Variants in CRYBA1 observed in about 807,000 individuals in gnomAD.
CRYBA1 encodes crystallin beta A1, also known as beta-crystallin A3.
In CRYBA1, 25 loss-of-function variants were observed where a neutral mutation model predicts 36.2. That is an observed-to-expected ratio of 0.69 (90% CI 0.50 to 0.97). The LOEUF (loss-of-function observed/expected upper bound fraction) is 0.97. Among genes scored for constraint, CRYBA1 ranks in the 50% least tolerant of loss-of-function variants. The pLI, the probability that CRYBA1 is intolerant of heterozygous loss-of-function variation, is 0.00. For missense variants in CRYBA1, 224 were observed against 276.3 expected, an observed-to-expected ratio of 0.81 and a Z score of 1.34; for synonymous variants, 111 against 90.0, an observed-to-expected ratio of 1.23 and a Z score of -1.32.
At chr17:29,253,829 G>A in intron 5 of CRYBA1, 47 bp downstream of exon 5, 1 of 1,603,348 alleles carries the variant, frequency 6.2e-7, no homozygotes, top group Non-Finnish European at 8.5e-7. Context: ...TAACTCCTGA[G>A]GTTGCATCAA....
At chr17:29,250,372 G>GA in intron 3 of CRYBA1, 72 bp downstream of exon 3, 1 of 875,916 alleles carries the variant, frequency 1.1e-6, no homozygotes, top group Non-Finnish European at 2.0e-6. Flanking sequence ...ATAGAGTGGG[G>GA]ATAGGGGAAG....
At chr17:29,253,855 C>T (rs2068951560) in intron 5 of CRYBA1, 73 bp downstream of exon 5, 1 of 1,544,398 alleles carries the variant, frequency 6.5e-7, no homozygotes, top group Middle Eastern at 1.7e-4. Context: ...ATGTTTTAAT[C>T]AGATTTCATA....
At chr17:29,250,881 T>C (rs1454684484) in intron 3 of CRYBA1, among the ~76,000 whole-genome samples, 3 of 152,354 alleles carry the variant, frequency 2.0e-5, no homozygotes, top group African/African-American at 7.2e-5. Context: ...GGCAGAGTAG[T>C]TGAGGCCTTT....
intron 1 of CRYBA1, among the ~76,000 whole-genome samples, chr17:29,248,087 GC>G (rs775453443): frequency 4.6e-5 from 7 of 151,452 alleles, no homozygotes; most frequent in Non-Finnish European, 8.8e-5. Flanking sequence ...TTGCACTCCA[GC>G]CTGGGCAACA....
intron 5 of CRYBA1, 92 bp downstream of exon 5, chr17:29,253,874 T>C: frequency 2.1e-6 from 3 of 1,436,476 alleles, no homozygotes; most frequent in Non-Finnish European, 2.9e-6. Context: ...TACGTATCGG[T>C]ATAGATGTCA....
Position 29,253,783 on chromosome 17 carries a change from G to C in CRYBA1, c.500+1G>C, listed in dbSNP as rs775038545. 5 of 1,614,170 alleles carry C rather than the reference G, an allele frequency of 3.1e-6. No homozygotes were observed. The highest frequency in any genetic ancestry group is 3.4e-6 in the Non-Finnish European group (4 of 1,180,018). Reference sequence around the variant, plus strand: ...GCTCCATGAAGATACAAAGTGGGGCGTAAGTACAAAAACAGGGTTGGAATA... The same window carrying C: ...GCTCCATGAAGATACAAAGTGGGGCCTAAGTACAAAAACAGGGTTGGAATA... On this transcript the variant is annotated splice_donor_variant, in intron 5 of 5. Transcript: ENST00000225387. LOFTEE classifies it high-confidence loss of function.
chr17:29,252,022 AGG>A lies in CRYBA1; in HGVS notation c.216-41_216-40del, dbSNP rs756781637. 25 of 1,614,034 alleles carry A rather than the reference AGG, an allele frequency of 1.5e-5. 1 individual carries two copies. The highest frequency in any genetic ancestry group is 3.3e-4 in the Middle Eastern group (2 of 6,060). Reference sequence around the variant, plus strand: ...AGATGCCTTCTCCCCAAGGCCATATAGGCTTTGAACACCATGAACAAACACTA... The same window carrying A: ...AGATGCCTTCTCCCCAAGGCCATATACTTTGAACACCATGAACAAACACTA... On this transcript the variant is annotated intron_variant, in intron 3 of 5. Coordinates refer to ENST00000225387, the MANE Select transcript of CRYBA1 (RefSeq NM_005208.5).
chr17:29,247,683 G>A lies in CRYBA1; in HGVS notation c.31+789G>A, dbSNP rs574087886. Among the ~76,000 whole-genome samples, 8 of 152,320 alleles carry A rather than the reference G, an allele frequency of 5.3e-5. No homozygotes were observed. In the East Asian group the frequency reaches 1.5e-3, roughly 29 times the overall value. ...GCCTTGCCATTGAGGTGCTCACCAG[G>A]ACATCCAACCAGAACACAGATTGGT... On this transcript the variant is annotated intron_variant, in intron 1 of 5. Transcript: ENST00000225387.
At position 29,254,291 on chromosome 17, in the gene CRYBA1, A is replaced by G; in HGVS notation, c.590A>G (p.Glu197Gly). The change falls in exon 6 of 6, where the codon GAG becomes GGG. Residue 197 changes from glutamate to glycine, a missense_variant. Physicochemically the swap from Glu to Gly is moderately conservative, Grantham distance 98. Coordinates refer to ENST00000225387, the MANE Select transcript of CRYBA1 (RefSeq NM_005208.5). ...GGAGGAGACTATAAACATTGGAGAGAGTGGGGCTCTCATGCCCAGACTTCG... is the reference window on the plus strand; with the variant it reads ...GGAGGAGACTATAAACATTGGAGAGGGTGGGGCTCTCATGCCCAGACTTCG... ...HHGGDYKHWREWGSHAQTSQI... is the reference protein window; with the variant it reads ...HHGGDYKHWRGWGSHAQTSQI... The G allele has an allele frequency of 6.2e-7, 1 of 1,614,084 alleles. No homozygotes were observed. Among genetic ancestry groups the G allele is most frequent in the Non-Finnish European group, 8.5e-7 (1 of 1,179,984 alleles).
In CRYBA1 at chr17:29,252,212, C is replaced by G; in HGVS notation, c.357+7C>G. ...CCGCCCCATCTGTTCAGCTGTGAGT[C>G]TCTGAAATTTCCACTTCCGTGCATA... On this transcript the variant is annotated splice_region_variant and intron_variant, in intron 4 of 5. Coordinates refer to ENST00000225387, the MANE Select transcript of CRYBA1 (RefSeq NM_005208.5). 4 of 1,614,030 alleles carry G rather than the reference C, an allele frequency of 2.5e-6. No individual in the cohort carries two copies. Among genetic ancestry groups the G allele is most frequent in the Non-Finnish European group, 3.4e-6 (4 of 1,180,004 alleles).
At chr17:29,250,160 G>C in intron 2 of CRYBA1, 22 bp from the exon 3 acceptor site, 8 of 1,303,422 alleles carry the variant, frequency 6.1e-6, no homozygotes, top group Non-Finnish European at 8.9e-6. Context: ...TAGCTCTCTT[G>C]CGCCATTCAA....
chr17:29,253,988 G>A (rs569175493), intron 5 of CRYBA1, among the ~76,000 whole-genome samples: 5 of 152,232 alleles, frequency 3.3e-5, no homozygotes, highest in Non-Finnish European at 5.9e-5. Context: ...AAGAATTTAC[G>A]TTGACTACTT....
intron 3 of CRYBA1, among the ~76,000 whole-genome samples, chr17:29,251,744 G>A (rs375912224): frequency 1.3e-4 from 20 of 152,228 alleles, no homozygotes; most frequent in South Asian, 4.2e-4. Flanking sequence ...CTCCTGAAGC[G>A]TTGGAACTAC....
At chr17:29,250,959 G>A (rs1036028266) in intron 3 of CRYBA1, among the ~76,000 whole-genome samples, 3 of 152,152 alleles carry the variant, frequency 2.0e-5, no homozygotes, top group Non-Finnish European at 4.4e-5. Context: ...CTTGCATGTG[G>A]ATAGGCTTCC....
At position 29,250,309 on chromosome 17, in the gene CRYBA1, G is replaced by C; in HGVS notation, c.215+9G>C. Reference sequence around the variant, plus strand: ...AAGGTGGAAAGTGGCGCGTGAGTATGGACTTCCGCAGAACCGCAGCCCCTT... The same window carrying C: ...AAGGTGGAAAGTGGCGCGTGAGTATCGACTTCCGCAGAACCGCAGCCCCTT... On this transcript the variant is annotated intron_variant, in intron 3 of 5. Coordinates refer to ENST00000225387, the MANE Select transcript of CRYBA1 (RefSeq NM_005208.5). 1 of 1,502,880 alleles carries C rather than the reference G, an allele frequency of 6.7e-7. No homozygotes were observed. Among genetic ancestry groups the C allele is most frequent in the Non-Finnish European group, 9.3e-7 (1 of 1,078,044 alleles). 93.1% of individuals were successfully genotyped at this position (1,502,880 alleles called of 1,614,324 possible).
At chr17:29,253,608 C>T (rs756150740) in intron 4 of CRYBA1, 32 bp from the exon 5 acceptor site, 3 of 1,586,704 alleles carry the variant, frequency 1.9e-6, no homozygotes, top group Non-Finnish European at 2.6e-6. Flanking sequence ...AGCACTAGTA[C>T]TAAACATTTT....
chr17:29,252,975 C>A (rs1360825193), intron 4 of CRYBA1, among the ~76,000 whole-genome samples: 1 of 152,194 alleles, frequency 6.6e-6, no homozygotes, highest in Non-Finnish European at 1.5e-5. Context: ...AAAAACATTT[C>A]ATTTGCCCAC....
Position 29,249,215 on chromosome 17 carries a change from A to AC in CRYBA1, c.96+14dup. ...CCCTGGGGCCATGGAAGGTAAGCCC[A>AC]CCCCCATCACATCCAACAGGGCAGG... On this transcript the variant is annotated intron_variant, in intron 2 of 5. Transcript: ENST00000225387. The AC allele has an allele frequency of 6.3e-7, 1 of 1,588,044 alleles. No individual in the cohort carries two copies.
chr17:29,250,485 G>A (rs552855872), intron 3 of CRYBA1, among the ~76,000 whole-genome samples, 185 bp downstream of exon 3: 14 of 152,258 alleles, frequency 9.2e-5, no homozygotes, highest in African/African-American at 3.4e-4. Flanking sequence ...AGGAACATGA[G>A]GTTCTTAGTG....
Sources: allele counts gnomAD v4.1 joint callset (sites outside exome capture counted in the v4.1 genomes callset), GRCh38; gene constraint gnomAD v4.1.1; transcripts MANE v1.5; gene names NCBI Gene and HGNC (gene_info 2026-07-23, HGNC 2026-07-21).